The following STAT6 variants were observed in gnomAD, a reference collection of about 807,000 sequenced individuals.
The protein encoded by STAT6 is STAT, interleukin4-induced.
Under a neutral mutation model 106.3 loss-of-function variants are expected in STAT6, and 45 were observed. The observed-to-expected ratio is 0.42, with a 90% CI of 0.33 to 0.54. STAT6 has a LOEUF of 0.54. Among genes scored for constraint, STAT6 ranks in the 20% least tolerant of loss-of-function variants. The probability of loss-of-function intolerance (pLI) is 0.06; values close to 1 mark genes in which losing one functional copy is unlikely to be tolerated. For missense variants in STAT6, 797 were observed against 1,062.2 expected (o/e 0.75, Z 3.47); for synonymous variants, 413 against 413.6 (o/e 1.00, Z 0.02).
intron 19 of STAT6, among the ~76,000 whole-genome samples, chr12:57,097,486 C>T (rs548446196): frequency 3.6e-4 from 55 of 152,282 alleles, no homozygotes; most frequent in Non-Finnish European, 5.1e-4. Context: ...TAGGCCATTT[C>T]AAGGCCAAAA....
chr12:57,099,637 G>A lies in STAT6; in HGVS notation c.1744+130C>T. The A allele has an allele frequency of 1.4e-6, 2 of 1,439,854 alleles. No individual in the cohort carries two copies. The highest frequency in any genetic ancestry group is 1.9e-6 in the Non-Finnish European group (2 of 1,061,728). 89.2% of individuals were successfully genotyped at this position (1,439,854 alleles called of 1,614,324 possible). ...GAAGGTGAACATTTAGACCACAGAA[G>A]GAAGAAGAGAAGCTGGAAGAACTTC... On this transcript the variant is annotated intron_variant, in intron 15 of 21. Coordinates refer to ENST00000300134, the MANE Select transcript of STAT6 (RefSeq NM_003153.5). This position sits in a 1 kb window ranked among gnomAD's most constrained non-coding sequence, Gnocchi z 4.7.
Position 57,099,212 on chromosome 12 carries a change from C to T in STAT6, c.1891+82G>A, listed in dbSNP as rs559157661. 1.6e-5 allele frequency: 26 copies of T among 1,602,198 alleles called. No homozygotes were observed. The East Asian group carries it at 2.5e-4, about 15-fold the overall frequency. On this transcript the variant is annotated intron_variant, in intron 16 of 21. Coordinates refer to ENST00000300134, the MANE Select transcript of STAT6 (RefSeq NM_003153.5). This position sits in a 1 kb window ranked among gnomAD's most constrained non-coding sequence, Gnocchi z 4.7. ...AATAGGGAGTGACATCAGGATGACA[C>T]GCGGGCAGGGAGAGGAGGGCAGCGG... is the stretch of plus-strand genomic sequence containing the variant.
At position 57,096,528 on chromosome 12, in the gene STAT6, G is replaced by A. The variant is rs1421767807; in HGVS notation, c.*44C>T. On this transcript the variant is annotated 3_prime_UTR_variant, in exon 22 of 22. Coordinates refer to ENST00000300134, the MANE Select transcript of STAT6 (RefSeq NM_003153.5). Reference sequence around the variant, plus strand: ...CAAGTGTCCAGAGCAGGTCTGTGGGGGTAGTAGAAGAGCTGTCTCTTTGGG... The same window carrying A: ...CAAGTGTCCAGAGCAGGTCTGTGGGAGTAGTAGAAGAGCTGTCTCTTTGGG... The A allele has an allele frequency of 3.9e-6, 6 of 1,524,632 alleles. No homozygotes were observed. The South Asian group carries it at 7.8e-5, about 20-fold the overall frequency. The allele number at this position is 1,524,632 out of a possible 1,614,324, so 94.4% of individuals were successfully genotyped here. A position where few individuals can be genotyped will look rare whatever the true frequency, so the allele number is the denominator to read the frequency against.
chr12:57,104,364 T>A (rs2136601149), intron 11 of STAT6, 100 bp downstream of exon 11: 1 of 1,482,678 alleles, frequency 6.7e-7, no homozygotes. Context: ...ACACATGGGG[T>A]ATGGGGCAGT....
At chr12:57,107,571 C>T (rs1212154523) in intron 3 of STAT6, 34 bp downstream of exon 3, 14 of 1,606,582 alleles carry the variant, frequency 8.7e-6, no homozygotes, top group African/African-American at 1.3e-5. Flanking sequence ...AACCTCAGCC[C>T]CACCCAGCCT....
At position 57,096,441 on chromosome 12, in the gene STAT6, G is replaced by T; in HGVS notation, c.*131C>A. 2.4e-6 allele frequency: 2 copies of T among 827,872 alleles called. No individual in the cohort carries two copies. The highest frequency in any genetic ancestry group is 3.8e-6 in the Non-Finnish European group (2 of 524,296). 51.3% of individuals were successfully genotyped at this position (827,872 alleles called of 1,614,324 possible). A position where few individuals can be genotyped will look rare whatever the true frequency, so the allele number is the denominator to read the frequency against. ...ATTCTCCTGTTAGTCTTTTCCTCCTGACCCAGGAGTAGGTGGGGATAGGAG... is the reference window on the plus strand; with the variant it reads ...ATTCTCCTGTTAGTCTTTTCCTCCTTACCCAGGAGTAGGTGGGGATAGGAG... On this transcript the variant is annotated 3_prime_UTR_variant, in exon 22 of 22. Transcript: ENST00000300134.
chr12:57,102,192 A>G (rs1253548254), intron 13 of STAT6, 98 bp downstream of exon 13: 37 of 1,323,702 alleles, frequency 2.8e-5, no homozygotes, highest in Non-Finnish European at 4.0e-5. Context: ...CACTGTGGAG[A>G]ATCCAGTGGA....
chr12:57,102,341 G>A lies in STAT6; in HGVS notation c.1461C>T (p.Leu487=). Reference sequence around the variant, plus strand: ...AACGGTGCTGGAAGGCCTCCATACTGAGGCTGTTGTCATTGAAGATCTTCT... The same window carrying A: ...AACGGTGCTGGAAGGCCTCCATACTAAGGCTGTTGTCATTGAAGATCTTCT... ...LAQKIFNDNS[L]SMEAFQHRSV... is the part of the protein sequence containing the mutation. Residue 487 remains leucine (L), a synonymous_variant, in exon 13 of 22, where the codon CTC becomes CTT. Coordinates refer to ENST00000300134, the MANE Select transcript of STAT6 (RefSeq NM_003153.5). 1 of 1,614,154 alleles carries A rather than the reference G, an allele frequency of 6.2e-7. No individual in the cohort carries two copies. The highest frequency in any genetic ancestry group is 8.5e-7 in the Non-Finnish European group (1 of 1,180,032).
Position 57,104,560 on chromosome 12 carries a change from C to T in STAT6, c.1116G>A (p.Glu372=), listed in dbSNP as rs918094237. The T allele has an allele frequency of 3.7e-6, 6 of 1,614,110 alleles. No homozygotes were observed. Among genetic ancestry groups the T allele is most frequent in the Non-Finnish European group, 5.1e-6 (6 of 1,179,998 alleles). ...CTGTGACAGACTCAGTGCCCTTCCG[C>T]TCACACCGCTTGATCTTCTTGAGAA... is the stretch of plus-strand genomic sequence containing the variant. ...NLLLKKIKRC[E]RKGTESVTEE... The change falls in exon 11 of 22, where the codon GAG becomes GAA. Residue 372 remains glutamate, a synonymous_variant. Transcript: ENST00000300134.
At chr12:57,105,019 C>A in intron 9 of STAT6, 132 bp downstream of exon 9, 1 of 1,295,628 alleles carries the variant, frequency 7.7e-7, no homozygotes, top group Non-Finnish European at 1.1e-6. Flanking sequence ...CTTTCCTCTG[C>A]CTTGACCATT....
chr12:57,107,383 A>C, intron 3 of STAT6, 69 bp from the exon 4 acceptor site: 1 of 1,472,604 alleles, frequency 6.8e-7, no homozygotes, highest in Non-Finnish European at 9.5e-7. Context: ...TCCAATCCCC[A>C]GGCCTGCATT....
At chr12:57,105,091 C>T in intron 9 of STAT6, 60 bp downstream of exon 9, 1 of 1,543,088 alleles carries the variant, frequency 6.5e-7, no homozygotes, top group Admixed American at 1.8e-5. Context: ...TGCCAGCCCT[C>T]CAGGCTGCCT....
chr12:57,107,884 G>A (rs1052743789), intron 2 of STAT6, 141 bp from the exon 3 acceptor site: 17 of 1,244,950 alleles, frequency 1.4e-5, no homozygotes, highest in Middle Eastern at 2.5e-4. Context: ...TCACCCATGC[G>A]CCTTGTTTCC....
At chr12:57,107,171 A>T in intron 4 of STAT6, 60 bp downstream of exon 4, 1 of 1,545,164 alleles carries the variant, frequency 6.5e-7, no homozygotes, top group African/African-American at 1.4e-5. Flanking sequence ...CTAGTTTGTC[A>T]TGGCTCAGGC....
chr12:57,108,401 T>C, intron 1 of STAT6, 102 bp from the exon 2 acceptor site: 2 of 652,618 alleles, frequency 3.1e-6, no homozygotes, highest in South Asian at 3.3e-5. Flanking sequence ...CTAGGGACCG[T>C]CCCCACCACC....
At chr12:57,102,775 C>T (rs2034017300) in intron 12 of STAT6, 54 bp downstream of exon 12, 1 of 1,446,890 alleles carries the variant, frequency 6.9e-7, no homozygotes, top group Non-Finnish European at 9.7e-7. Flanking sequence ...GCACCACTGC[C>T]CATGTTAGAA....
intron 19 of STAT6, among the ~76,000 whole-genome samples, chr12:57,098,200 T>C (rs1388858949): frequency 3.3e-5 from 5 of 152,254 alleles, no homozygotes; most frequent in South Asian, 2.1e-4. Flanking sequence ...TTAAGTGTTA[T>C]GAACTCATTT....
At chr12:57,098,954 T>C (rs779674733) in intron 17 of STAT6, 52 bp from the exon 18 acceptor site, 1 of 1,613,296 alleles carries the variant, frequency 6.2e-7, no homozygotes, top group Admixed American at 1.7e-5. Flanking sequence ...ATGCCACCCC[T>C]CCTTCCTGCA....
At chr12:57,107,831 TC>T in intron 2 of STAT6, 88 bp from the exon 3 acceptor site, 2 of 1,558,418 alleles carry the variant, frequency 1.3e-6, no homozygotes, top group Non-Finnish European at 1.7e-6. Flanking sequence ...GCTCAGCAGT[TC>T]CTTTCTCGCT....
Sources: gnomAD v4.1 joint callset for allele counts (sites outside exome capture counted in the v4.1 genomes callset) on GRCh38, gnomAD v4.1.1 for gene constraint, Gnocchi (gnomAD v3.1) non-coding constraint, MANE v1.5 for transcripts, NCBI Gene and HGNC (gene_info 2026-07-23, HGNC 2026-07-21) for gene names.